Variants in WBP1L observed in about 807,000 individuals in gnomAD.
WBP1L encodes the protein WW domain binding protein 1-like.
WBP1L carries 17 observed loss-of-function variants against 33.7 expected under a neutral mutation model. The ratio of observed to expected loss-of-function variants is 0.50; its 90% CI spans 0.34 to 0.76. The LOEUF (loss-of-function observed/expected upper bound fraction) is 0.76, where lower values mean the gene tolerates loss of function less well. Ranked by LOEUF, WBP1L falls within the 30% of genes least tolerant of loss-of-function variation. The probability of loss-of-function intolerance (pLI) is 0.01; values close to 1 mark genes in which losing one functional copy is unlikely to be tolerated. For synonymous variants in WBP1L, 173 were observed against 190.8 expected, an observed-to-expected ratio of 0.91 and a Z score of 0.77; for missense variants, 389 against 469.4, an observed-to-expected ratio of 0.83 and a Z score of 1.58.
chr10:102,804,507 C>T (rs756014334), intron 2 of WBP1L, among the ~76,000 whole-genome samples: 22 of 149,494 alleles, frequency 1.5e-4, no homozygotes, highest in Non-Finnish European at 1.8e-4. Context: ...ACTTTAAATT[C>T]TCTCCCCAAG....
chr10:102,779,730 G>A (rs532594040), intron 1 of WBP1L, among the ~76,000 whole-genome samples: 1 of 152,318 alleles, frequency 6.6e-6, no homozygotes, highest in East Asian at 1.9e-4. Flanking sequence ...AGAGCTGGGC[G>A]GCATGGAAAT....
intron 1 of WBP1L, among the ~76,000 whole-genome samples, chr10:102,786,008 A>G (rs928061491): frequency 6.6e-6 from 1 of 152,128 alleles, no homozygotes; most frequent in African/African-American, 2.4e-5. Flanking sequence ...TTGCTGTGGG[A>G]TTTTCCTACC....
chr10:102,781,546 C>T (rs1564761816), intron 1 of WBP1L, among the ~76,000 whole-genome samples: 3 of 152,156 alleles, frequency 2.0e-5, no homozygotes, highest in Admixed American at 1.3e-4. Flanking sequence ...CCACAGTCCA[C>T]TGCAGGCCTC....
intron 1 of WBP1L, among the ~76,000 whole-genome samples, chr10:102,791,439 A>G (rs1323020756): frequency 2.6e-5 from 4 of 151,960 alleles, no homozygotes; most frequent in African/African-American, 9.7e-5. Flanking sequence ...TGCCTGGCAC[A>G]TGGTTGGGGG....
intron 1 of WBP1L, among the ~76,000 whole-genome samples, chr10:102,751,595 A>G (rs779575975): frequency 1.3e-5 from 2 of 152,218 alleles, no homozygotes; most frequent in Non-Finnish European, 2.9e-5. Flanking sequence ...GGTGTGAGCC[A>G]CCACACCTGG....
At chr10:102,808,293 C>A (rs1489944739) in intron 2 of WBP1L, among the ~76,000 whole-genome samples, 2 of 151,760 alleles carry the variant, frequency 1.3e-5, no homozygotes, top group Admixed American at 1.3e-4. Flanking sequence ...TTTTTGTTTT[C>A]CTTTCAGTTC....
At chr10:102,809,754 A>G (rs1424419747) in intron 2 of WBP1L, 139 bp from the exon 3 acceptor site, 35 of 910,140 alleles carry the variant, frequency 3.8e-5, no homozygotes, top group Non-Finnish European at 5.3e-5. Context: ...CATGGCTTCA[A>G]TGTAAATTAA....
chr10:102,744,289 G>T, intron 1 of WBP1L, 146 bp downstream of exon 1: 2 of 1,275,126 alleles, frequency 1.6e-6, no homozygotes, highest in East Asian at 2.9e-5. Flanking sequence ...CTAAAGGGGC[G>T]TCGGTATTTA....
intron 1 of WBP1L, among the ~76,000 whole-genome samples, chr10:102,782,474 G>A (rs1248005571): frequency 6.6e-6 from 1 of 151,494 alleles, no homozygotes; most frequent in Non-Finnish European, 1.5e-5. Context: ...ATACTTTGGG[G>A]CTATTTAAAA....
intron 1 of WBP1L, among the ~76,000 whole-genome samples, chr10:102,766,918 C>T (rs1301242689): frequency 6.6e-6 from 1 of 151,982 alleles, no homozygotes; most frequent in Non-Finnish European, 1.5e-5. Flanking sequence ...GTTCTTATTC[C>T]GATCTTTGGT....
chr10:102,790,195 G>C (rs1336345448), intron 1 of WBP1L, among the ~76,000 whole-genome samples: 1 of 151,758 alleles, frequency 6.6e-6, no homozygotes, highest in Non-Finnish European at 1.5e-5. Flanking sequence ...TCTCAGATCT[G>C]TTCTCTAGTT....
chr10:102,785,993 G>T (rs1319142887), intron 1 of WBP1L, among the ~76,000 whole-genome samples: 5 of 152,196 alleles, frequency 3.3e-5, no homozygotes, highest in Non-Finnish European at 7.3e-5. Context: ...TGCAACTTCC[G>T]ATTTTTGCTG....
chr10:102,747,066 T>C (rs1329619629), intron 1 of WBP1L, among the ~76,000 whole-genome samples: 1 of 152,032 alleles, frequency 6.6e-6, no homozygotes, highest in Non-Finnish European at 1.5e-5. Context: ...TCCTTAAATC[T>C]ATAAAGAATG....
chr10:102,744,073 T>A lies in WBP1L; in HGVS notation c.20T>A (p.Leu7Gln), dbSNP rs1357968551. The A allele has an allele frequency of 6.4e-7, 1 of 1,551,538 alleles. No individual in the cohort carries two copies. Among genetic ancestry groups the A allele is most frequent in the East Asian group, 2.4e-5 (1 of 40,916 alleles). The stretch of plus-strand genomic sequence containing the variant: ...AGGGGGATGGAGAGGAGAAGGCTCC[T>A]GGGTGGCATGGCGCTCCTGCTCCTC... MERRRLLGGMALLLLQA... is the reference protein window; with the variant it reads MERRRLQGGMALLLLQA... The change falls in exon 1 of 4, where the codon CTG becomes CAG. Residue 7 changes from leucine (L) to glutamine (Q), a missense_variant. Transcript: ENST00000448841.
At position 102,812,756 on chromosome 10, in the gene WBP1L, G is replaced by A. The variant is rs778997042; in HGVS notation, c.517G>A (p.Gly173Arg). The A allele has an allele frequency of 1.2e-6, 2 of 1,613,374 alleles. No individual in the cohort carries two copies. The highest frequency in any genetic ancestry group is 1.3e-5 in the African/African-American group (1 of 74,880). The change falls in exon 4 of 4, where the codon GGA becomes AGA. Residue 173 changes from glycine (G) to arginine (R), a missense_variant. Gly to Arg is a moderately radical substitution (Grantham distance 125). Transcript: ENST00000448841. ...GSPPGIDPTR[G>R]SQGAQSSPLS... ...TCCCCCGGGCATCGATCCCACCAGG[G>A]GATCCCAGGGGGCACAGAGCAGCCC...
intron 1 of WBP1L, among the ~76,000 whole-genome samples, chr10:102,758,098 T>G (rs1842999646): frequency 1.3e-5 from 2 of 151,782 alleles, no homozygotes; most frequent in Non-Finnish European, 2.9e-5. Context: ...TTGGCCAGAC[T>G]GGTCTCGAAC....
At chr10:102,758,217 C>G (rs1366930212) in intron 1 of WBP1L, among the ~76,000 whole-genome samples, 3 of 151,620 alleles carry the variant, frequency 2.0e-5, no homozygotes, top group Non-Finnish European at 4.4e-5. Flanking sequence ...TTATTAAGAT[C>G]TAATTCACAG....
intron 1 of WBP1L, among the ~76,000 whole-genome samples, chr10:102,783,116 C>T (rs1333571178): frequency 6.6e-6 from 1 of 152,092 alleles, no homozygotes; most frequent in Non-Finnish European, 1.5e-5. Context: ...TTCTGGAGTG[C>T]CGTGGGAGGT....
chr10:102,749,473 T>G (rs1564751948), intron 1 of WBP1L, among the ~76,000 whole-genome samples: 1 of 151,302 alleles, frequency 6.6e-6, no homozygotes, highest in Non-Finnish European at 1.5e-5. Context: ...TTCTCTCTAA[T>G]AAAAAAAATT....
Sources: gnomAD v4.1 joint callset for allele counts (sites outside exome capture counted in the v4.1 genomes callset) on GRCh38, gnomAD v4.1.1 for gene constraint, MANE v1.5 for transcripts, NCBI Gene and HGNC (gene_info 2026-07-23, HGNC 2026-07-21) for gene names.